Variants in DSCAML1 observed in about 807,000 individuals in gnomAD.
DSCAML1 encodes DS cell adhesion molecule like 1.
DSCAML1 carries 38 observed loss-of-function variants against 200.5 expected under a neutral mutation model. The observed-to-expected ratio is 0.19, with a 90% confidence interval of 0.15 to 0.25. The LOEUF is 0.25. Ranked by LOEUF, DSCAML1 falls within the 10% of genes least tolerant of loss-of-function variation. DSCAML1 has a pLI of 1.00. For missense variants in DSCAML1, 2,223 were observed against 2,858.8 expected (o/e 0.78, Z 5.07); for synonymous variants, 1,215 against 1,165.0 (o/e 1.04, Z -0.87).
intron 3 of DSCAML1, chr11:117,668,393 C>T (rs927996415): frequency 3.3e-5 from 5 of 152,208 alleles, no homozygotes; most frequent in African/African-American, 4.8e-5. Flanking sequence ...CTGAGTGTCT[C>T]GGGAGTCTGG....
intron 3 of DSCAML1, among the ~76,000 whole-genome samples, chr11:117,634,968 C>T (rs541946018): frequency 1.3e-5 from 2 of 152,290 alleles, no homozygotes; most frequent in South Asian, 2.1e-4. Context: ...GCACAGGGCA[C>T]GAGTGTGGCC....
chr11:117,562,518 G>A (rs940019647), intron 3 of DSCAML1, among the ~76,000 whole-genome samples: 1 of 152,156 alleles, frequency 6.6e-6, no homozygotes, highest in Non-Finnish European at 1.5e-5. Context: ...GCACCGAAAC[G>A]ACATGTGGGT....
chr11:117,724,015 C>T (rs1159024250), intron 3 of DSCAML1, among the ~76,000 whole-genome samples: 2 of 152,216 alleles, frequency 1.3e-5, no homozygotes, highest in African/African-American at 4.8e-5. Flanking sequence ...CCTTTATCTC[C>T]AATTAACATT....
At chr11:117,542,058 C>T (rs111698696) in intron 3 of DSCAML1, among the ~76,000 whole-genome samples, 37,889 of 151,940 alleles carry the variant, frequency 0.25, 4,946 homozygotes, top group Middle Eastern at 0.32. Context: ...GCCTGTAATC[C>T]CAGCACTTTG....
At chr11:117,639,319 G>C (rs1263789528) in intron 3 of DSCAML1, among the ~76,000 whole-genome samples, 3 of 146,146 alleles carry the variant, frequency 2.1e-5, no homozygotes, top group Non-Finnish European at 4.5e-5. Flanking sequence ...TGGGTAGGAG[G>C]CTGGATGGAT....
chr11:117,602,608 G>A (rs1340267830), intron 3 of DSCAML1, among the ~76,000 whole-genome samples: 2 of 152,054 alleles, frequency 1.3e-5, no homozygotes, highest in African/African-American at 4.8e-5. Context: ...TGATCTGCCT[G>A]CCTCAGCCTC....
At chr11:117,595,008 G>A (rs926465493) in intron 3 of DSCAML1, among the ~76,000 whole-genome samples, 1 of 151,588 alleles carries the variant, frequency 6.6e-6, no homozygotes, top group Non-Finnish European at 1.5e-5. Flanking sequence ...TTTCTATGGT[G>A]GGTTGGTGGG....
intron 3 of DSCAML1, among the ~76,000 whole-genome samples, chr11:117,532,731 G>C (rs952540483): frequency 3.9e-5 from 6 of 152,130 alleles, no homozygotes; most frequent in African/African-American, 1.4e-4. Flanking sequence ...GTCCCGATCT[G>C]GCTTTTCTAC....
intron 19 of DSCAML1, among the ~76,000 whole-genome samples, chr11:117,458,096 G>A (rs1246898090): frequency 6.6e-6 from 1 of 152,194 alleles, no homozygotes; most frequent in African/African-American, 2.4e-5. Context: ...GGGTAGTGCA[G>A]CTCCAGGCCT....
intron 3 of DSCAML1, among the ~76,000 whole-genome samples, chr11:117,536,429 T>C (rs932284890): frequency 2.0e-5 from 3 of 152,156 alleles, no homozygotes; most frequent in African/African-American, 7.2e-5. Context: ...CGTTCTCTGC[T>C]TTGAGGCAGG....
chr11:117,465,332 G>C, intron 16 of DSCAML1, 150 bp from the exon 17 acceptor site: 1 of 1,123,546 alleles, frequency 8.9e-7, no homozygotes, highest in South Asian at 1.5e-5. Context: ...CCTTACAATG[G>C]CTACTCTACC....
intron 1 of DSCAML1, among the ~76,000 whole-genome samples, chr11:117,785,115 C>T (rs1415336040): frequency 6.6e-6 from 1 of 152,176 alleles, no homozygotes; most frequent in Non-Finnish European, 1.5e-5. Context: ...TACCAAGCAC[C>T]AGCCACGCGC....
intron 3 of DSCAML1, among the ~76,000 whole-genome samples, chr11:117,711,416 G>A (rs1048161688): frequency 3.3e-5 from 5 of 152,212 alleles, no homozygotes; most frequent in Admixed American, 6.5e-5. Flanking sequence ...TGCGTGGCTT[G>A]ATAAACTAAC....
chr11:117,586,573 T>A (rs1263065072), intron 3 of DSCAML1, among the ~76,000 whole-genome samples: 1 of 152,152 alleles, frequency 6.6e-6, no homozygotes, highest in Admixed American at 6.5e-5. Flanking sequence ...GTTCCTCCTG[T>A]TCGACTCGGC....
At chr11:117,447,180 T>C (rs575730347) in intron 20 of DSCAML1, among the ~76,000 whole-genome samples, 1 of 152,188 alleles carries the variant, frequency 6.6e-6, no homozygotes, top group African/African-American at 2.4e-5. Context: ...CTCAGCTCCT[T>C]GGGAGGCTGA....
intron 3 of DSCAML1, among the ~76,000 whole-genome samples, chr11:117,564,245 G>T (rs1409274144): frequency 6.6e-6 from 1 of 152,194 alleles, no homozygotes; most frequent in African/African-American, 2.4e-5. Flanking sequence ...ACCTCTGCTG[G>T]TCTCTTTGGA....
At chr11:117,651,711 CA>C (rs1193144259) in intron 3 of DSCAML1, among the ~76,000 whole-genome samples, 1,810 of 31,014 alleles carry the variant, frequency 0.058, 3 homozygotes, top group East Asian at 0.099. Context: ...GACTCTGTCT[CA>C]AAAAAAAAAA....
At chr11:117,702,936 G>C (rs1209353854) in intron 3 of DSCAML1, among the ~76,000 whole-genome samples, 2 of 152,188 alleles carry the variant, frequency 1.3e-5, no homozygotes, top group African/African-American at 4.8e-5. Flanking sequence ...AAGACTTTCT[G>C]GGATGCAAAT....
intron 3 of DSCAML1, among the ~76,000 whole-genome samples, chr11:117,721,124 A>G (rs1003365435): frequency 6.6e-6 from 1 of 152,246 alleles, no homozygotes; most frequent in African/African-American, 2.4e-5. Context: ...CCGGATTCAG[A>G]TGCTGAAGTT....
Sources: allele counts gnomAD v4.1 joint callset (sites outside exome capture counted in the v4.1 genomes callset), GRCh38; gene constraint gnomAD v4.1.1; transcripts MANE v1.5; gene names NCBI Gene and HGNC (gene_info 2026-07-23, HGNC 2026-07-21).